Variants in IL1RAPL1 observed in about 807,000 individuals in gnomAD.
IL1RAPL1 encodes the protein interleukin-1 receptor accessory protein-like 1.
Under a neutral mutation model 48.4 loss-of-function variants are expected in IL1RAPL1, and 3 were observed. The observed-to-expected ratio is 0.06, with a 90% CI of 0.03 to 0.16. IL1RAPL1 has a LOEUF of 0.16. IL1RAPL1 is among the 10% of genes least tolerant of loss of function. The pLI, the probability that IL1RAPL1 is intolerant of heterozygous loss-of-function variation, is 1.00. For synonymous variants in IL1RAPL1, 185 were observed against 187.7 expected, an observed-to-expected ratio of 0.99 and a Z score of 0.12; for missense variants, 349 against 530.6, an observed-to-expected ratio of 0.66 and a Z score of 3.36.
At chrX:29,309,743 C>T (rs1303052588) in intron 3 of IL1RAPL1, among the ~76,000 whole-genome samples, 1 of 105,728 alleles carries the variant, frequency 9.5e-6, no homozygotes, top group Non-Finnish European at 1.9e-5. Context: ...AACACAGGGG[C>T]GGAGGTTGCA....
intron 8 of IL1RAPL1, among the ~76,000 whole-genome samples, chrX:29,941,077 C>T (rs1933119392): frequency 9.0e-6 from 1 of 111,568 alleles, no homozygotes; most frequent in Non-Finnish European, 1.9e-5. Context: ...ATAGTCTTCC[C>T]AACATTCTAT....
intron 1 of IL1RAPL1, among the ~76,000 whole-genome samples, chrX:28,737,021 A>T (rs1935833989): frequency 9.1e-6 from 1 of 110,340 alleles, no homozygotes; most frequent in Admixed American, 9.7e-5. Flanking sequence ...GGAGACTTGG[A>T]GGGGCTGCTC....
At chrX:29,009,587 A>T (rs1409235518) in intron 2 of IL1RAPL1, among the ~76,000 whole-genome samples, 1 of 110,988 alleles carries the variant, frequency 9.0e-6, no homozygotes, top group African/African-American at 3.3e-5. Context: ...TTTATTTCTG[A>T]GTTTTCTATT....
intron 5 of IL1RAPL1, among the ~76,000 whole-genome samples, chrX:29,507,897 T>G (rs1395139159): frequency 8.9e-6 from 1 of 111,853 alleles, no homozygotes; most frequent in African/African-American, 3.3e-5. Context: ...TTACTTTTTT[T>G]TTGGACTTAG....
chrX:28,996,933 T>C (rs1239147454), intron 2 of IL1RAPL1, among the ~76,000 whole-genome samples: 1 of 111,847 alleles, frequency 8.9e-6, no homozygotes, highest in African/African-American at 3.2e-5. Context: ...TTTAAAATTA[T>C]TGAATTATAA....
At chrX:29,052,590 G>T (rs1927117757) in intron 2 of IL1RAPL1, among the ~76,000 whole-genome samples, 1 of 102,890 alleles carries the variant, frequency 9.7e-6, no homozygotes, top group African/African-American at 3.6e-5. Flanking sequence ...CTCAGCCTCT[G>T]GTAACCACCA....
intron 2 of IL1RAPL1, among the ~76,000 whole-genome samples, chrX:29,111,131 A>G (rs1035684956): frequency 6.3e-5 from 7 of 111,622 alleles, no homozygotes; most frequent in African/African-American, 2.0e-4. Context: ...ACACCTGTGT[A>G]AACACCACCT....
At chrX:29,137,306 C>G (rs1207120901) in intron 2 of IL1RAPL1, among the ~76,000 whole-genome samples, 3 of 109,334 alleles carry the variant, frequency 2.7e-5, no homozygotes, top group Non-Finnish European at 5.7e-5. Context: ...AGTATTTTTG[C>G]CAAAACGTAT....
intron 6 of IL1RAPL1, among the ~76,000 whole-genome samples, chrX:29,821,044 GA>G (rs746571629): frequency 8.9e-6 from 1 of 111,888 alleles, no homozygotes; most frequent in Non-Finnish European, 1.9e-5. Context: ...ATGACATATT[GA>G]AGTTTTGTGA....
At chrX:29,585,048 A>G (rs1174524026) in intron 5 of IL1RAPL1, among the ~76,000 whole-genome samples, 3 of 112,089 alleles carry the variant, frequency 2.7e-5, no homozygotes, top group African/African-American at 6.5e-5. Flanking sequence ...ACTGTATTTT[A>G]TTGTGTTGAG....
Position 29,307,669 on chromosome X carries a change from T to A in IL1RAPL1, c.362+24452T>A, listed in dbSNP as rs368253798. Among the ~76,000 whole-genome samples the A allele has an allele frequency of 1.6e-4, 18 of 112,268 alleles. 1 individual carries two copies. The highest frequency in any genetic ancestry group is 5.8e-4 in the African/African-American group (18 of 31,001). Reference sequence around the variant, plus strand: ...ACATTGTCATCATTTGTACATTTTTTTCCCTTAATAGAAAGCTTCTTAAAT... The same window carrying A: ...ACATTGTCATCATTTGTACATTTTTATCCCTTAATAGAAAGCTTCTTAAAT... On this transcript the variant is annotated intron_variant, in intron 3 of 10. Transcript: ENST00000378993.
intron 1 of IL1RAPL1, among the ~76,000 whole-genome samples, chrX:28,615,696 G>A (rs986012946): frequency 9.0e-6 from 1 of 110,595 alleles, no homozygotes; most frequent in African/African-American, 3.3e-5. Context: ...AATGCGAGTC[G>A]CTTAGATCTG....
chrX:29,000,536 A>T (rs1343377355), intron 2 of IL1RAPL1, among the ~76,000 whole-genome samples: 1 of 111,704 alleles, frequency 9.0e-6, no homozygotes, highest in Admixed American at 9.5e-5. Context: ...GCTTAATGGA[A>T]TTGAGTAATT....
intron 2 of IL1RAPL1, among the ~76,000 whole-genome samples, chrX:29,112,817 T>C (rs1434062881): frequency 2.4e-5 from 2 of 83,393 alleles, no homozygotes; most frequent in Non-Finnish European, 4.4e-5. Context: ...TTTTTTTTCC[T>C]GAGGTGGAGT....
At chrX:29,205,821 G>A (rs1930654434) in intron 2 of IL1RAPL1, among the ~76,000 whole-genome samples, 1 of 109,553 alleles carries the variant, frequency 9.1e-6, no homozygotes, top group Admixed American at 9.9e-5. Flanking sequence ...TGCAACCTCT[G>A]CCACCCGGGT....
At chrX:29,526,711 G>T (rs1310655527) in intron 5 of IL1RAPL1, among the ~76,000 whole-genome samples, 3 of 112,063 alleles carry the variant, frequency 2.7e-5, no homozygotes, top group Non-Finnish European at 3.8e-5. Flanking sequence ...AACAGAAAAT[G>T]TGTAAAACAT....
chrX:28,596,213 A>G (rs746786982), intron 1 of IL1RAPL1, among the ~76,000 whole-genome samples: 1 of 112,031 alleles, frequency 8.9e-6, no homozygotes, highest in South Asian at 3.8e-4. Flanking sequence ...TTATACGTAG[A>G]GACAAAAGCT....
chrX:29,026,252 CTGATT>C (rs1270818929), intron 2 of IL1RAPL1, among the ~76,000 whole-genome samples: 2 of 112,030 alleles, frequency 1.8e-5, no homozygotes, highest in Non-Finnish European at 3.8e-5. Flanking sequence ...AGTGTGACTA[CTGATT>C]TGATTTGATT....
intron 3 of IL1RAPL1, among the ~76,000 whole-genome samples, chrX:29,328,892 G>A (rs1443915954): frequency 9.0e-6 from 1 of 110,544 alleles, no homozygotes; most frequent in Non-Finnish European, 1.9e-5. Context: ...TTAGATCACG[G>A]TAGTATGATT....
Sources: gnomAD v4.1 joint callset for allele counts (sites outside exome capture counted in the v4.1 genomes callset) on GRCh38, gnomAD v4.1.1 for gene constraint, MANE v1.5 for transcripts, NCBI Gene and HGNC (gene_info 2026-07-23, HGNC 2026-07-21) for gene names.